ZFHX3: variants seen among roughly 807,000 people sequenced by gnomAD.
ZFHX3 encodes zinc finger homeobox 3.
In ZFHX3, 42 loss-of-function variants were observed where a neutral mutation model predicts 279.1. The observed-to-expected ratio is 0.15, with a 90% CI of 0.12 to 0.19. The LOEUF is 0.19. Among genes scored for constraint, ZFHX3 ranks in the 10% least tolerant of loss-of-function variants. The pLI, the probability that ZFHX3 is intolerant of heterozygous loss-of-function variation, is 1.00. For missense variants in ZFHX3, 4,981 were observed against 4,754.0 expected, an observed-to-expected ratio of 1.05 and a Z score of -1.40; for synonymous variants, 2,293 against 1,957.8, an observed-to-expected ratio of 1.17 and a Z score of -4.52.
intron 1 of ZFHX3, among the ~76,000 whole-genome samples, chr16:73,814,109 G>C (rs746173393): frequency 1.3e-5 from 2 of 152,190 alleles, no homozygotes; most frequent in African/African-American, 2.4e-5. Flanking sequence ...ATTGCAGAGA[G>C]AGCAGTGTGA....
At chr16:73,303,542 T>C (rs1397299264) in intron 4 of ZFHX3, among the ~76,000 whole-genome samples, 1 of 152,148 alleles carries the variant, frequency 6.6e-6, no homozygotes, top group Non-Finnish European at 1.5e-5. Flanking sequence ...ACGGCCTCAA[T>C]GATGTCAGTC....
chr16:73,715,248 C>A (rs74712538), intron 1 of ZFHX3, among the ~76,000 whole-genome samples: 1 of 152,092 alleles, frequency 6.6e-6, no homozygotes, highest in Non-Finnish European at 1.5e-5. Flanking sequence ...TCATGCCCCA[C>A]AGGAAATTGA....
intron 4 of ZFHX3, among the ~76,000 whole-genome samples, chr16:72,868,870 C>G (rs771629127): frequency 6.6e-6 from 1 of 152,092 alleles, no homozygotes; most frequent in Non-Finnish European, 1.5e-5. Context: ...GAGATGAAAG[C>G]AGGAATAATT....
chr16:73,314,023 C>T lies in ZFHX3; in HGVS notation c.-1194+4217G>A, dbSNP rs189934343. Among the ~76,000 whole-genome samples, 160 of 152,192 alleles carry T rather than the reference C, an allele frequency of 1.1e-3. No homozygotes were observed. In the East Asian group the frequency reaches 0.026, roughly 25 times the overall value. On this transcript the variant is annotated intron_variant, in intron 4 of 17. Transcript: ENST00000641206. ...CTGAGGTGGGAGGATGGCTTGAGCT[C>T]AGGAGGTGGAGGTTGCAGTGAGCCA... is the stretch of plus-strand genomic sequence containing the variant.
intron 5 of ZFHX3, among the ~76,000 whole-genome samples, chr16:73,234,153 C>A (rs963306386): frequency 6.6e-6 from 1 of 152,100 alleles, no homozygotes; most frequent in Middle Eastern, 3.4e-3. Context: ...TCAGAACAGG[C>A]GGAATGTTTG....
intron 5 of ZFHX3, among the ~76,000 whole-genome samples, chr16:73,213,030 C>T (rs932140956): frequency 2.6e-5 from 4 of 152,110 alleles, no homozygotes; most frequent in Admixed American, 2.0e-4. Context: ...TGACTATTTC[C>T]GAGCTGGGAT....
In ZFHX3 at chr16:73,784,806, T is replaced by C. The variant is rs1269770201; in HGVS notation, c.-1607-104566A>G. 3.4e-4 allele frequency among the ~76,000 whole-genome samples: 42 copies of C among 121,772 alleles called. 1 individual carries two copies. Among genetic ancestry groups the C allele is most frequent in the African/African-American group, 1.1e-3 (26 of 23,878 alleles). 79.9% of individuals were successfully genotyped at this position (121,772 alleles called of 152,430 possible). A position where few individuals can be genotyped will look rare whatever the true frequency, so the allele number is the denominator to read the frequency against. On this transcript the variant is annotated intron_variant, in intron 1 of 17. Coordinates refer to the ZFHX3 transcript ENST00000641206. ...CAAAATAAAAAAAAAAATATATATATATATATATATACACACACACACACA... is the reference window on the plus strand; with the variant it reads ...CAAAATAAAAAAAAAAATATATATACATATATATATACACACACACACACA...
At chr16:73,526,119 T>C (rs972293902) in intron 2 of ZFHX3, among the ~76,000 whole-genome samples, 10 of 152,232 alleles carry the variant, frequency 6.6e-5, no homozygotes, top group African/African-American at 9.6e-5. Context: ...AGGAAAATGA[T>C]TGCCGCACAA....
intron 4 of ZFHX3, among the ~76,000 whole-genome samples, chr16:72,861,872 G>T (rs549642465): frequency 6.6e-6 from 1 of 152,120 alleles, no homozygotes; most frequent in South Asian, 2.1e-4. Context: ...AAAATTAGCC[G>T]GGTGTGGTGG....
intron 1 of ZFHX3, among the ~76,000 whole-genome samples, chr16:73,854,258 G>A (rs1327575454): frequency 6.6e-6 from 1 of 152,154 alleles, no homozygotes; most frequent in African/African-American, 2.4e-5. Flanking sequence ...GGGCACAGTG[G>A]CTCATGCCTG....
At chr16:73,358,511 C>G (rs1023763975) in intron 3 of ZFHX3, among the ~76,000 whole-genome samples, 2 of 152,198 alleles carry the variant, frequency 1.3e-5, no homozygotes, top group African/African-American at 2.4e-5. Flanking sequence ...ATGATGGCGG[C>G]CCTGGCTGAC....
rs2035878217 is a variant in ZFHX3, at chr16:72,795,610, C to T, written c.7072G>A (p.Glu2358Lys). Residue 2358 changes from glutamate to lysine, a missense_variant, in exon 9 of 10, where the codon GAG becomes AAG. By Grantham distance (56) the Glu-to-Lys change is moderately conservative (BLOSUM62 1). Coordinates refer to ENST00000268489, the MANE Select transcript of ZFHX3 (RefSeq NM_006885.4). ...KKLCYKDEDE[E>K]GQDDSQNEDS... is the part of the protein sequence containing the mutation. ...TCATTTTGGCTGTCGTCCTGCCCCT[C>T]CTCATCCTCATCCTTGTAACACAGC... The T allele has an allele frequency of 6.2e-7, 1 of 1,613,716 alleles. No homozygotes were observed. Among genetic ancestry groups the T allele is most frequent in the Non-Finnish European group, 8.5e-7 (1 of 1,179,864 alleles).
chr16:73,767,475 C>G (rs990553017), intron 1 of ZFHX3, among the ~76,000 whole-genome samples: 1 of 152,074 alleles, frequency 6.6e-6, no homozygotes, highest in East Asian at 1.9e-4. Context: ...GGAGATTATC[C>G]TTACTGTTTA....
chr16:73,416,805 C>T lies in ZFHX3; in HGVS notation c.-1291+39198G>A, dbSNP rs578215444. On this transcript the variant is annotated intron_variant, in intron 3 of 17. Transcript: ENST00000641206. ...AGGAGAATGGCGTGAACTCGGGAGG[C>T]GGAGCCTGCAGTGAGCCGAGATCGC... Among the ~76,000 whole-genome samples the T allele has an allele frequency of 2.2e-3, 324 of 147,364 alleles. 16 individuals are homozygous for T. The highest frequency in any genetic ancestry group is 3.8e-3 in the South Asian group (17 of 4,524).
chr16:73,739,739 C>T (rs2053638412), intron 1 of ZFHX3, among the ~76,000 whole-genome samples: 1 of 152,198 alleles, frequency 6.6e-6, no homozygotes, highest in South Asian at 2.1e-4. Flanking sequence ...ATCAGTTTCC[C>T]TTCTCACTGG....
intron 4 of ZFHX3, among the ~76,000 whole-genome samples, chr16:72,834,763 A>C (rs1440872912): frequency 6.6e-6 from 1 of 151,714 alleles, no homozygotes; most frequent in Non-Finnish European, 1.5e-5. Flanking sequence ...CACTGTATGC[A>C]CTCCCCAAAC....
intron 3 of ZFHX3, among the ~76,000 whole-genome samples, chr16:72,926,739 G>C (rs560640029): frequency 6.6e-6 from 1 of 152,176 alleles, no homozygotes; most frequent in Admixed American, 6.5e-5. Flanking sequence ...GTATTCAGAT[G>C]AGGGGCGATT....
chr16:73,572,732 A>G (rs1320107194), intron 2 of ZFHX3, among the ~76,000 whole-genome samples: 2 of 152,196 alleles, frequency 1.3e-5, no homozygotes, highest in African/African-American at 4.8e-5. Flanking sequence ...AGGCAGACAG[A>G]TGTGTGGCCT....
chr16:72,988,692 T>C (rs1032490525), intron 1 of ZFHX3, among the ~76,000 whole-genome samples: 5 of 152,268 alleles, frequency 3.3e-5, no homozygotes, highest in African/African-American at 4.8e-5. Context: ...AGAGCCATGA[T>C]TCCCCCACAT....
Sources: gnomAD v4.1 joint callset for allele counts (sites outside exome capture counted in the v4.1 genomes callset) on GRCh38, gnomAD v4.1.1 for gene constraint, MANE v1.5 for transcripts, NCBI Gene and HGNC (gene_info 2026-07-23, HGNC 2026-07-21) for gene names.